SMG6: variants seen among roughly 807,000 people sequenced by gnomAD.
SMG6 encodes the protein telomerase-binding protein EST1A.
A neutral mutation model predicts 142.2 loss-of-function variants in SMG6; 66 were observed. That is an observed-to-expected ratio of 0.46 (90% CI 0.38 to 0.57). The LOEUF (loss-of-function observed/expected upper bound fraction) is 0.57. SMG6 is among the 20% of genes least tolerant of loss of function. The pLI is 0.00. For synonymous variants in SMG6, 779 were observed against 702.4 expected (o/e 1.11, Z -1.72); for missense variants, 1,793 against 1,832.0 (o/e 0.98, Z 0.39).
intron 9 of SMG6, among the ~76,000 whole-genome samples, chr17:2,241,698 C>CGCTTT (rs2073805647): frequency 6.6e-6 from 1 of 152,154 alleles, no homozygotes; most frequent in Non-Finnish European, 1.5e-5. Flanking sequence ...GTCATTATCT[C>CGCTTT]GCTTTTTCAT....
chr17:2,289,962 A>G (rs1041250473), intron 6 of SMG6, among the ~76,000 whole-genome samples: 5 of 146,808 alleles, frequency 3.4e-5, no homozygotes, highest in African/African-American at 1.0e-4. Context: ...ATATATATAT[A>G]TATGTAATTA....
At chr17:2,148,062 G>A (rs1361170459) in intron 13 of SMG6, among the ~76,000 whole-genome samples, 3 of 151,996 alleles carry the variant, frequency 2.0e-5, no homozygotes, top group South Asian at 2.1e-4. Context: ...GTGGTGGTGC[G>A]CACCTGTGGT....
chr17:2,183,734 C>CA (rs1045201389), intron 12 of SMG6, among the ~76,000 whole-genome samples: 13 of 146,926 alleles, frequency 8.8e-5, no homozygotes, highest in African/African-American at 3.0e-4. Flanking sequence ...ATCCCTGATA[C>CA]AGGTGCGTGC....
intron 12 of SMG6, among the ~76,000 whole-genome samples, chr17:2,174,922 G>A (rs1329878781): frequency 6.6e-6 from 1 of 152,280 alleles, no homozygotes; most frequent in Non-Finnish European, 1.5e-5. Context: ...AACTTTCCAC[G>A]ACCCCATCTG....
chr17:2,127,001 T>C (rs1274233836), intron 13 of SMG6, among the ~76,000 whole-genome samples: 1 of 151,672 alleles, frequency 6.6e-6, no homozygotes, highest in Non-Finnish European at 1.5e-5. Flanking sequence ...TAGCTGGGTG[T>C]GGTGGTACGT....
intron 8 of SMG6, among the ~76,000 whole-genome samples, chr17:2,263,905 AAG>A (rs1266537170): frequency 6.6e-6 from 1 of 152,224 alleles, no homozygotes; most frequent in Non-Finnish European, 1.5e-5. Flanking sequence ...TTTAAGAGCA[AAG>A]AGGGATTTTA....
At chr17:2,072,256 G>A (rs369642254) in intron 15 of SMG6, among the ~76,000 whole-genome samples, 5 of 152,164 alleles carry the variant, frequency 3.3e-5, no homozygotes, top group Non-Finnish European at 5.9e-5. Flanking sequence ...GTGCTGACCC[G>A]GAAGGAGAGT....
At chr17:2,170,094 A>G (rs2071456946) in intron 13 of SMG6, among the ~76,000 whole-genome samples, 1 of 152,184 alleles carries the variant, frequency 6.6e-6, no homozygotes, top group Non-Finnish European at 1.5e-5. Flanking sequence ...AAGGAAGACC[A>G]GGTTGGCGGG....
chr17:2,130,363 G>GGTTTT lies in SMG6; in HGVS notation c.3357+42290_3357+42294dup, dbSNP rs2070078815. Among the ~76,000 whole-genome samples, 4 of 151,338 alleles carry GGTTTT rather than the reference G, an allele frequency of 2.6e-5. No individual in the cohort carries two copies. The South Asian group carries it at 8.3e-4, about 32-fold the overall frequency. ...AAATTAGTAACAAAATCTGTGCGAG[G>GGTTTT]GTTTTATGGGAAATATTACAAAACA... On this transcript the variant is annotated intron_variant, in intron 13 of 18. Coordinates refer to ENST00000263073, the MANE Select transcript of SMG6 (RefSeq NM_017575.5).
intron 10 of SMG6, among the ~76,000 whole-genome samples, chr17:2,201,850 C>T (rs1347386774): frequency 1.3e-5 from 2 of 151,692 alleles, no homozygotes; most frequent in Admixed American, 1.3e-4. Flanking sequence ...ATGGTGAAAC[C>T]CCATCTCTAC....
At chr17:2,188,261 A>C in intron 11 of SMG6, 138 bp downstream of exon 11, 1 of 702,584 alleles carries the variant, frequency 1.4e-6, no homozygotes, top group Non-Finnish European at 2.4e-6. Context: ...AGGCAGGCAA[A>C]AGGAAGAGGG....
At chr17:2,073,012 A>C (rs1465049942) in intron 15 of SMG6, 2 of 152,220 alleles carry the variant, frequency 1.3e-5, no homozygotes, top group Non-Finnish European at 2.9e-5. Context: ...ATCAGGGGGA[A>C]ACCACCAGGA....
At chr17:2,294,561 C>T (rs1318941474) in intron 4 of SMG6, among the ~76,000 whole-genome samples, 1 of 152,182 alleles carries the variant, frequency 6.6e-6, no homozygotes, top group East Asian at 1.9e-4. Context: ...AGTATATTGT[C>T]CTCTTCCCCT....
In SMG6 at chr17:2,060,347, AGT is replaced by A. The variant is rs1452828706; in HGVS notation, c.*1143_*1144del. The A allele has an allele frequency of 6.6e-6, 1 of 152,192 alleles. No individual in the cohort carries two copies. The highest frequency in any genetic ancestry group is 1.5e-5 in the Non-Finnish European group (1 of 68,044). 9.4% of individuals were successfully genotyped at this position (152,192 alleles called of 1,614,324 possible). A position where few individuals can be genotyped will look rare whatever the true frequency, so the allele number is the denominator to read the frequency against. On this transcript the variant is annotated 3_prime_UTR_variant, in exon 19 of 19. Coordinates refer to ENST00000263073, the MANE Select transcript of SMG6 (RefSeq NM_017575.5). ...TGTGTCAGTGTCAGTTTTTCCGGGG[AGT>A]GAGGGCAAAGCTAGAAACCAGGTTA...
At chr17:2,225,348 A>G (rs1215557496) in intron 10 of SMG6, among the ~76,000 whole-genome samples, 2 of 151,574 alleles carry the variant, frequency 1.3e-5, no homozygotes, top group African/African-American at 4.8e-5. Flanking sequence ...AGAAAAAAAA[A>G]AAAAGAAAAA....
intron 10 of SMG6, among the ~76,000 whole-genome samples, chr17:2,227,253 C>A (rs150846801): frequency 6.6e-6 from 1 of 152,164 alleles, no homozygotes; most frequent in Admixed American, 6.5e-5. Context: ...GAAAACACGT[C>A]CACAAAATAC....
chr17:2,078,435 G>C (rs970285486), intron 15 of SMG6, among the ~76,000 whole-genome samples: 1 of 149,150 alleles, frequency 6.7e-6, no homozygotes, highest in African/African-American at 2.5e-5. Context: ...CTAATGGCTC[G>C]ATCTCGGCTC....
intron 13 of SMG6, among the ~76,000 whole-genome samples, chr17:2,124,688 G>C (rs1444579815): frequency 6.6e-6 from 1 of 152,176 alleles, no homozygotes; most frequent in Non-Finnish European, 1.5e-5. Flanking sequence ...AGCTGGGGAA[G>C]GGGCAGCAGG....
chr17:2,187,910 T>C (rs1597555716), intron 11 of SMG6, among the ~76,000 whole-genome samples: 1 of 152,142 alleles, frequency 6.6e-6, no homozygotes, highest in Non-Finnish European at 1.5e-5. Flanking sequence ...CTTAGACTTC[T>C]AAGGGCAGCC....
Sources: allele counts gnomAD v4.1 joint callset (sites outside exome capture counted in the v4.1 genomes callset), GRCh38; gene constraint gnomAD v4.1.1; transcripts MANE v1.5; gene names NCBI Gene and HGNC (gene_info 2026-07-23, HGNC 2026-07-21).